Variants in ITGA8 observed in about 807,000 individuals in gnomAD.
ITGA8 encodes the protein integrin subunit alpha 8, also known as integrin alpha-8.
In ITGA8, 91 loss-of-function variants were observed where a neutral mutation model predicts 142.3. The observed-to-expected ratio is 0.64, with a 90% confidence interval of 0.54 to 0.76. The LOEUF (loss-of-function observed/expected upper bound fraction) is 0.76, where lower values mean the gene tolerates loss of function less well. Among genes scored for constraint, ITGA8 ranks in the 30% least tolerant of loss-of-function variants. ITGA8 has a pLI of 0.00. For missense variants in ITGA8, 1,406 were observed against 1,327.7 expected (o/e 1.06, Z -0.92); for synonymous variants, 505 against 485.2 (o/e 1.04, Z -0.54).
intron 12 of ITGA8, among the ~76,000 whole-genome samples, chr10:15,645,986 C>T (rs1168274686): frequency 2.6e-5 from 4 of 152,180 alleles, no homozygotes; most frequent in Admixed American, 6.5e-5. Flanking sequence ...ATAACCTGTA[C>T]ATAACCCATG....
intron 4 of ITGA8, among the ~76,000 whole-genome samples, chr10:15,681,526 TA>T (rs1014219075): frequency 3.3e-5 from 5 of 152,160 alleles, no homozygotes; most frequent in African/African-American, 4.8e-5. Flanking sequence ...GTGTACTTTT[TA>T]AAAAAATGGT....
intron 27 of ITGA8, among the ~76,000 whole-genome samples, chr10:15,541,494 G>A (rs1264837679): frequency 3.9e-5 from 6 of 152,148 alleles, no homozygotes; most frequent in African/African-American, 4.8e-5. Flanking sequence ...TGAGCTACTC[G>A]CCTTAGGCCA....
intron 21 of ITGA8, among the ~76,000 whole-genome samples, chr10:15,595,354 A>T (rs1328465907): frequency 6.6e-6 from 1 of 152,228 alleles, no homozygotes; most frequent in Non-Finnish European, 1.5e-5. Context: ...AAAATGAAGA[A>T]GAATATAAAT....
chr10:15,549,369 C>A (rs753830118), intron 26 of ITGA8, among the ~76,000 whole-genome samples: 39 of 151,862 alleles, frequency 2.6e-4, no homozygotes, highest in Non-Finnish European at 5.7e-4. Context: ...CGCCATCATG[C>A]CTGGCTAATT....
At chr10:15,633,507 C>G (rs2131636052) in intron 13 of ITGA8, among the ~76,000 whole-genome samples, 1 of 152,266 alleles carries the variant, frequency 6.6e-6, no homozygotes, top group East Asian at 1.9e-4. Context: ...AATCTCAGCT[C>G]ACTGCAACCT....
At chr10:15,661,020 A>T in intron 8 of ITGA8, 98 bp from the exon 9 acceptor site, 1 of 1,112,404 alleles carries the variant, frequency 9.0e-7, no homozygotes, top group Admixed American at 1.7e-5. Flanking sequence ...AGTGCTTGTA[A>T]AATGAGTGGC....
chr10:15,658,469 C>T (rs1251051102), intron 10 of ITGA8, among the ~76,000 whole-genome samples: 1 of 152,148 alleles, frequency 6.6e-6, no homozygotes, highest in Non-Finnish European at 1.5e-5. Context: ...TCCTCAGCTC[C>T]TACATCTCTC....
chr10:15,673,914 T>C (rs1834577328), intron 6 of ITGA8, among the ~76,000 whole-genome samples: 1 of 152,210 alleles, frequency 6.6e-6, no homozygotes, highest in South Asian at 2.1e-4. Context: ...TCCGCTGCAA[T>C]TTCTATGCAT....
intron 26 of ITGA8, among the ~76,000 whole-genome samples, chr10:15,550,034 G>A (rs1055560343): frequency 6.6e-6 from 1 of 152,114 alleles, no homozygotes; most frequent in East Asian, 1.9e-4. Flanking sequence ...CCCACATGTT[G>A]TGGGTGGGAC....
chr10:15,564,746 C>G (rs1834048889), intron 25 of ITGA8, among the ~76,000 whole-genome samples: 1 of 152,162 alleles, frequency 6.6e-6, no homozygotes, highest in South Asian at 2.1e-4. Context: ...CCTGTGAACC[C>G]AAACAAAAGC....
Position 15,646,970 on chromosome 10 carries a change from G to A in ITGA8, c.1083C>T (p.Tyr361=), listed in dbSNP as rs775273063. 24 of 1,613,832 alleles carry A rather than the reference G, an allele frequency of 1.5e-5. No homozygotes were observed. In the South Asian group the frequency reaches 2.5e-4, roughly 17 times the overall value. The part of the protein sequence containing the change: ...ESNPREVGQI[Y]LYLQVSSLLF... ...GGAGAGAGCTCACTTGCAAATACAG[G>A]TAGATTTGCCCTACTTCTCTGGGGT... is the stretch of plus-strand genomic sequence containing the variant. The change falls in exon 12 of 30, where the codon TAC becomes TAT. Residue 361 remains tyrosine, a synonymous_variant. Transcript: ENST00000378076.
At chr10:15,568,288 C>G (rs1415934926) in intron 25 of ITGA8, among the ~76,000 whole-genome samples, 7 of 152,130 alleles carry the variant, frequency 4.6e-5, no homozygotes, top group Non-Finnish European at 1.0e-4. Flanking sequence ...CTGCCCCTGC[C>G]CCATCCCAAT....
chr10:15,602,212 T>C (rs1445216224), intron 20 of ITGA8, among the ~76,000 whole-genome samples: 3 of 152,334 alleles, frequency 2.0e-5, no homozygotes, highest in East Asian at 1.9e-4. Flanking sequence ...AAACAAAACA[T>C]ACTCAAGCTT....
chr10:15,691,143 A>G (rs948827240), intron 2 of ITGA8, among the ~76,000 whole-genome samples: 1 of 152,224 alleles, frequency 6.6e-6, no homozygotes, highest in Non-Finnish European at 1.5e-5. Context: ...TCTGTAAGAC[A>G]TCACTTGACC....
At chr10:15,613,578 T>G in intron 15 of ITGA8, 82 bp downstream of exon 15, 1 of 1,006,378 alleles carries the variant, frequency 9.9e-7, no homozygotes, top group Admixed American at 1.8e-5. Context: ...CCAGACTTAC[T>G]GAATCCAAAT....
At chr10:15,656,106 G>T (rs558708408) in intron 10 of ITGA8, among the ~76,000 whole-genome samples, 1 of 152,154 alleles carries the variant, frequency 6.6e-6, no homozygotes, top group South Asian at 2.1e-4. Flanking sequence ...TTGTCACTTG[G>T]TTCACCATCC....
At chr10:15,664,715 G>A (rs898516845) in intron 8 of ITGA8, among the ~76,000 whole-genome samples, 3 of 134,586 alleles carry the variant, frequency 2.2e-5, no homozygotes, top group African/African-American at 8.6e-5. Context: ...CCCTTCCTGT[G>A]TCCATGTGCT....
At position 15,592,293 on chromosome 10, in the gene ITGA8, G is replaced by A. The variant is rs1296102662; in HGVS notation, c.2223C>T (p.Gly741=). The part of the protein sequence containing the change: ...PMVSGTNYSL[G]LRFAVPRLEK... ...CAAGACGTGGAACTGCAAATCGGAG[G>A]CCCAGGGAATACTAAAAAATAAAAT... The change falls in exon 22 of 30, where the codon GGC becomes GGT. Residue 741 remains glycine (G), a synonymous_variant. Transcript: ENST00000378076. The A allele has an allele frequency of 3.7e-6, 6 of 1,611,904 alleles. No homozygotes were observed. The highest frequency in any genetic ancestry group is 4.2e-6 in the Non-Finnish European group (5 of 1,178,208).
In ITGA8 at chr10:15,647,364, A is replaced by G. The variant is rs115062079; in HGVS notation, c.1002-313T>C. ...GAAACTGTACTTGCACAAAGCAAAC[A>G]TATCAAGAAAGAACAAAATAGCTTT... On this transcript the variant is annotated intron_variant, in intron 11 of 29. Coordinates refer to ENST00000378076, the MANE Select transcript of ITGA8 (RefSeq NM_003638.3). 4.1e-3 allele frequency among the ~76,000 whole-genome samples: 630 copies of G among 152,250 alleles called. 3 individuals are homozygous for G. The highest frequency in any genetic ancestry group is 0.014 in the African/African-American group (593 of 41,540).
Sources: gnomAD v4.1 joint callset for allele counts (sites outside exome capture counted in the v4.1 genomes callset) on GRCh38, gnomAD v4.1.1 for gene constraint, MANE v1.5 for transcripts, NCBI Gene and HGNC (gene_info 2026-07-23, HGNC 2026-07-21) for gene names.